Variants in DSCAM observed in about 807,000 individuals in gnomAD.
DSCAM encodes the protein cell adhesion molecule DSCAM.
DSCAM carries 47 observed loss-of-function variants against 217.7 expected under a neutral mutation model. The ratio of observed to expected loss-of-function variants is 0.22; its 90% CI spans 0.17 to 0.28. The LOEUF (loss-of-function observed/expected upper bound fraction) is 0.28. Ranked by LOEUF, DSCAM falls within the 10% of genes least tolerant of loss-of-function variation. The pLI is 1.00. For missense variants in DSCAM, 2,080 were observed against 2,618.3 expected, an observed-to-expected ratio of 0.79 and a Z score of 4.49; for synonymous variants, 1,056 against 1,015.3, an observed-to-expected ratio of 1.04 and a Z score of -0.76.
At chr21:40,607,483 G>C (rs758836047) in intron 3 of DSCAM, among the ~76,000 whole-genome samples, 6 of 150,778 alleles carry the variant, frequency 4.0e-5, no homozygotes, top group Non-Finnish European at 8.8e-5. Flanking sequence ...CTTTCTTTAG[G>C]GGAAAAATGA....
chr21:40,110,265 C>T (rs2089878835), intron 20 of DSCAM, among the ~76,000 whole-genome samples: 1 of 152,152 alleles, frequency 6.6e-6, no homozygotes, highest in Admixed American at 6.5e-5. Context: ...CACCAATATC[C>T]ACTGTTCTGC....
intron 3 of DSCAM, among the ~76,000 whole-genome samples, chr21:40,604,776 C>T (rs1235185182): frequency 6.6e-6 from 1 of 152,196 alleles, no homozygotes; most frequent in Non-Finnish European, 1.5e-5. Flanking sequence ...AGAGGAAGCT[C>T]TCCATACTCT....
intron 15 of DSCAM, among the ~76,000 whole-genome samples, chr21:40,178,272 T>C (rs576670099): frequency 6.6e-5 from 10 of 152,048 alleles, no homozygotes; most frequent in Admixed American, 5.9e-4. Context: ...CATGTGCGTG[T>C]GTGGGTGATG....
intron 1 of DSCAM, among the ~76,000 whole-genome samples, chr21:40,747,891 TCA>T (rs372119938): frequency 3.6e-4 from 54 of 152,102 alleles, no homozygotes; most frequent in African/African-American, 1.2e-3. Context: ...GTGGGATTCA[TCA>T]CAGAGATGCA....
intron 8 of DSCAM, among the ~76,000 whole-genome samples, chr21:40,324,141 A>AAG (rs1225386528): frequency 1.3e-4 from 19 of 150,050 alleles, no homozygotes; most frequent in African/African-American, 3.9e-4. Flanking sequence ...AGAAAAAAAA[A>AAG]AGAGAGAGAG....
chr21:40,697,363 CT>C (rs2090607340), intron 2 of DSCAM, among the ~76,000 whole-genome samples: 1 of 152,028 alleles, frequency 6.6e-6, no homozygotes, highest in South Asian at 2.1e-4. Context: ...TCTATTTTTG[CT>C]TTTGTTGCCT....
intron 32 of DSCAM, among the ~76,000 whole-genome samples, chr21:40,039,082 G>A (rs58427090): frequency 0.65 from 97,610 of 149,988 alleles, 31,929 homozygotes; most frequent in South Asian, 0.71. Flanking sequence ...ACCAGTTAGT[G>A]GGTGCAGCGC....
At chr21:40,045,594 A>C (rs749107881) in intron 30 of DSCAM, among the ~76,000 whole-genome samples, 6 of 152,214 alleles carry the variant, frequency 3.9e-5, no homozygotes, top group Non-Finnish European at 7.3e-5. Context: ...AAAATGAGAG[A>C]GGTTCAGTTA....
At chr21:40,100,877 G>A (rs1026037352) in intron 20 of DSCAM, among the ~76,000 whole-genome samples, 1 of 152,194 alleles carries the variant, frequency 6.6e-6, no homozygotes, top group Non-Finnish European at 1.5e-5. Flanking sequence ...AGTTAAGACA[G>A]ACGTGTCAGT....
rs755986818 is a variant in DSCAM, at chr21:40,708,758, G to A, written c.57C>T (p.Asp19=). 6.4e-7 allele frequency: 1 copy of A among 1,562,944 alleles called. No individual in the cohort carries two copies. The highest frequency in any genetic ancestry group is 1.2e-5 in the South Asian group (1 of 82,384). ...TGACAAAGTAGAGGCTGGAGTGTAG[G>A]TCTTCACTGAAAACTGCAAGAAGAC... The part of the protein sequence containing the change: ...FQSFANVFSE[D]LHSSLYFVNA... Residue 19 remains aspartate (D), a synonymous_variant, in exon 2 of 33, where the codon GAC becomes GAT. Transcript: ENST00000400454.
rs187623093 is a variant in DSCAM at position 40,342,182 on chromosome 21, T to C, written c.1211-2767A>G. 7.0e-3 allele frequency among the ~76,000 whole-genome samples: 1,070 copies of C among 152,104 alleles called. 9 individuals carry two copies. Among genetic ancestry groups the C allele is most frequent in the African/African-American group, 0.025 (1,019 of 41,396 alleles). On this transcript the variant is annotated intron_variant, in intron 6 of 32. Coordinates refer to ENST00000400454, the MANE Select transcript of DSCAM (RefSeq NM_001389.5). ...TTGTTGTGGAATACAACAATTGAAA[T>C]ACAAGGAAATATATATATAGTATCT...
chr21:40,747,300 C>T (rs997366583), intron 1 of DSCAM, among the ~76,000 whole-genome samples: 3 of 125,930 alleles, frequency 2.4e-5, no homozygotes, highest in African/African-American at 8.9e-5. Flanking sequence ...AAAAAAAAAA[C>T]AACAAACCTT....
chr21:40,233,186 T>A (rs908682706), intron 11 of DSCAM, among the ~76,000 whole-genome samples: 6 of 152,288 alleles, frequency 3.9e-5, no homozygotes, highest in South Asian at 4.1e-4. Context: ...AAGTTTTTTT[T>A]AAAATCCCTT....
chr21:40,328,489 T>C (rs980490275), intron 8 of DSCAM, among the ~76,000 whole-genome samples: 1 of 152,142 alleles, frequency 6.6e-6, no homozygotes, highest in Non-Finnish European at 1.5e-5. Context: ...AAACTCAAAC[T>C]GGATTTAAGA....
chr21:40,389,290 T>C (rs2075113467), intron 3 of DSCAM, among the ~76,000 whole-genome samples: 1 of 152,202 alleles, frequency 6.6e-6, no homozygotes, highest in Non-Finnish European at 1.5e-5. Context: ...TGACATTAAA[T>C]TTTAATTAGA....
chr21:40,553,778 ATTTTT>A (rs951009121), intron 3 of DSCAM, among the ~76,000 whole-genome samples: 1 of 151,968 alleles, frequency 6.6e-6, no homozygotes, highest in Non-Finnish European at 1.5e-5. Flanking sequence ...CTTCTGAATT[ATTTTT>A]TTTAACATTC....
intron 3 of DSCAM, among the ~76,000 whole-genome samples, chr21:40,414,084 G>T (rs1383700436): frequency 6.6e-6 from 1 of 152,072 alleles, no homozygotes; most frequent in Non-Finnish European, 1.5e-5. Flanking sequence ...TGTTTTATAT[G>T]GGACAAAAAT....
At chr21:40,639,531 G>A (rs2089851287) in intron 3 of DSCAM, among the ~76,000 whole-genome samples, 1 of 152,180 alleles carries the variant, frequency 6.6e-6, no homozygotes, top group African/African-American at 2.4e-5. Context: ...TGAAAGAAAT[G>A]TGAATAACAA....
chr21:40,812,742 A>G (rs1038161026), intron 1 of DSCAM, among the ~76,000 whole-genome samples: 1 of 152,240 alleles, frequency 6.6e-6, no homozygotes, highest in African/African-American at 2.4e-5. Flanking sequence ...GATGTAGAAT[A>G]AAGATAGAGG....
Sources: allele counts gnomAD v4.1 joint callset (sites outside exome capture counted in the v4.1 genomes callset), GRCh38; gene constraint gnomAD v4.1.1; transcripts MANE v1.5; gene names NCBI Gene and HGNC (gene_info 2026-07-23, HGNC 2026-07-21).